The following MSR1 variants were observed in gnomAD, a reference collection of about 807,000 sequenced individuals.
MSR1 encodes the protein macrophage scavenger receptor types I and II.
A neutral mutation model predicts 47.2 loss-of-function variants in MSR1; 53 were observed. The observed-to-expected ratio is 1.12, with a 90% CI of 0.90 to 1.41. The LOEUF (loss-of-function observed/expected upper bound fraction) is 1.41, where lower values mean the gene tolerates loss of function less well. Ranked by LOEUF, MSR1 falls within the 40% of genes most tolerant of loss-of-function variation. MSR1 has a pLI of 0.00. For synonymous variants in MSR1, 239 were observed against 185.6 expected (o/e 1.29, Z -2.34); for missense variants, 786 against 546.9 (o/e 1.44, Z -4.36).
rs889346016 is a variant in MSR1 at position 16,156,405 on chromosome 8, T to G, written c.818-1261A>C. Among the ~76,000 whole-genome samples, 26 of 151,998 alleles carry G rather than the reference T, an allele frequency of 1.7e-4. 2 individuals carry two copies. The highest frequency in any genetic ancestry group is 1.4e-3 in the Admixed American group (21 of 15,232). On this transcript the variant is annotated intron_variant, in intron 5 of 9. Coordinates refer to ENST00000262101, the MANE Select transcript of MSR1 (RefSeq NM_138715.3). ...CATGAATAAGTATATTTTGTACATTTTGTTGTTGCTTATTTTGACATCCTT... is the reference window on the plus strand; with the variant it reads ...CATGAATAAGTATATTTTGTACATTGTGTTGTTGCTTATTTTGACATCCTT...
At chr8:16,140,746 C>T (rs1484913472) in intron 8 of MSR1, 7 of 1,423,864 alleles carry the variant, frequency 4.9e-6, no homozygotes, top group Admixed American at 3.0e-5. Flanking sequence ...GGTGTCCAGG[C>T]TGGGGGTGAT....
intron 5 of MSR1, among the ~76,000 whole-genome samples, chr8:16,158,201 C>G (rs1368878174): frequency 6.6e-6 from 1 of 151,942 alleles, no homozygotes; most frequent in East Asian, 1.9e-4. Flanking sequence ...TTTAATATTT[C>G]CAATTACAGT....
At position 16,107,900 on chromosome 8, in the gene MSR1, A is replaced by G. The variant is rs1444368254; in HGVS notation, c.*2185T>C. On this transcript the variant is annotated 3_prime_UTR_variant, in exon 10 of 10. Transcript: ENST00000262101. The stretch of plus-strand genomic sequence containing the variant: ...AAATCGCAAATTTCTGTTTTTTTTA[A>G]TGGAACAAATGCAATTCAACATTCC... The G allele has an allele frequency of 6.6e-6, 1 of 151,932 alleles. No homozygotes were observed. The highest frequency in any genetic ancestry group is 6.6e-5 in the Admixed American group (1 of 15,234). 9.4% of individuals were successfully genotyped at this position (151,932 alleles called of 1,614,324 possible).
chr8:16,163,521 GC>G (rs1231691431), intron 5 of MSR1, among the ~76,000 whole-genome samples: 8 of 150,960 alleles, frequency 5.3e-5, no homozygotes, highest in Non-Finnish European at 1.5e-5. Context: ...AAAATGTAAA[GC>G]TAAAACTGAA....
At position 16,168,601 on chromosome 8, in the gene MSR1, A is replaced by G; in HGVS notation, c.487T>C (p.Phe163Leu). The G allele has an allele frequency of 6.2e-7, 1 of 1,614,196 alleles. No individual in the cohort carries two copies. The highest frequency in any genetic ancestry group is 8.5e-7 in the Non-Finnish European group (1 of 1,180,036). ...TTCCCATGTCCCTGGACTGAGGAAA[A>G]CAAGGTACTTAGCTGCAGAAGAATG... is the stretch of plus-strand genomic sequence containing the variant. The part of the protein sequence containing the change: ...NDILLQLSTL[F>L]SSVQGHGNAI... The change falls in exon 4 of 10, where the codon TTT becomes CTT. Residue 163 changes from phenylalanine to leucine, a missense_variant. By Grantham distance (22) the Phe-to-Leu change is conservative. Coordinates refer to ENST00000262101, the MANE Select transcript of MSR1 (RefSeq NM_138715.3).
At position 16,168,461 on chromosome 8, in the gene MSR1, T is replaced by C; in HGVS notation, c.627A>G (p.Gln209=). 6.2e-7 allele frequency: 1 copy of C among 1,614,116 alleles called. No homozygotes were observed. The highest frequency in any genetic ancestry group is 8.5e-7 in the Non-Finnish European group (1 of 1,179,996). ...GKIQENTFKQ[Q]EEISKLEERV... ...CTTGCAGTCCACAAACTCTTACCTC[T>C]TGTTGTTTGAAGGTATTCTCTTGGA... The change falls in exon 4 of 10, where the codon CAA becomes CAG. Residue 209 remains glutamine, a synonymous_variant. Coordinates refer to ENST00000262101, the MANE Select transcript of MSR1 (RefSeq NM_138715.3).
chr8:16,153,096 T>A (rs974533290), intron 6 of MSR1, among the ~76,000 whole-genome samples: 1 of 152,014 alleles, frequency 6.6e-6, no homozygotes, highest in African/African-American at 2.4e-5. Flanking sequence ...CCACTTAGGT[T>A]TTGCAGATAT....
chr8:16,125,924 A>T (rs142861526), intron 8 of MSR1, among the ~76,000 whole-genome samples: 362 of 152,196 alleles, frequency 2.4e-3, no homozygotes, highest in African/African-American at 8.4e-3. Context: ...GAGCCACTGC[A>T]CCCAGCCAAA....
chr8:16,142,012 G>A (rs1470441645), intron 8 of MSR1, among the ~76,000 whole-genome samples: 1 of 152,034 alleles, frequency 6.6e-6, no homozygotes, highest in African/African-American at 2.4e-5. Flanking sequence ...AAAGGAGAAA[G>A]AAAGAAGTAA....
rs1563163392 is a variant in MSR1 at position 16,168,871 on chromosome 8, C to CTG, written c.218-3_218-2dup. The stretch of plus-strand genomic sequence containing the variant: ...TTCGTTTCCCACTTCAGGAGTTGAG[C>CTG]TGTATATTTAAGTAAAAATAAACCA... On this transcript the variant is annotated splice_acceptor_variant, in intron 3 of 9. Transcript: ENST00000262101. LOFTEE classifies it high-confidence loss of function. 1.2e-6 allele frequency: 2 copies of CTG among 1,611,640 alleles called. No homozygotes were observed. Among genetic ancestry groups the CTG allele is most frequent in the African/African-American group, 1.3e-5 (1 of 74,908 alleles).
chr8:16,187,856 G>C (rs1802048360), intron 1 of MSR1, among the ~76,000 whole-genome samples: 1 of 152,126 alleles, frequency 6.6e-6, no homozygotes, highest in Non-Finnish European at 1.5e-5. Context: ...AACCCACTTT[G>C]CTTCAAAAGC....
At chr8:16,143,769 ATTAC>A (rs1046595295) in intron 7 of MSR1, among the ~76,000 whole-genome samples, 158 bp from the exon 8 acceptor site, 4 of 152,144 alleles carry the variant, frequency 2.6e-5, no homozygotes, top group Admixed American at 6.6e-5. Context: ...AATAATAGTT[ATTAC>A]TTAGGAAGCT....
At position 16,164,078 on chromosome 8, in the gene MSR1, G is replaced by C. The variant is rs1455537198; in HGVS notation, c.804C>G (p.Ile268Met). The C allele has an allele frequency of 1.9e-6, 3 of 1,607,616 alleles. No homozygotes were observed. The highest frequency in any genetic ancestry group is 2.6e-6 in the Non-Finnish European group (3 of 1,175,758). ...AAGACATTTTACCTTGAATTAAAGT[G>C]ATATTTCTCAAGGTCTGAGAATGTT... ...DWEHSQTLRNITLIQGPPGPP... is the reference protein window; with the variant it reads ...DWEHSQTLRNMTLIQGPPGPP... The change falls in exon 5 of 10, where the codon ATC becomes ATG. Residue 268 changes from isoleucine (I) to methionine (M), a missense_variant. Physicochemically the swap from Ile to Met is conservative, Grantham distance 10. Transcript: ENST00000262101.
intron 8 of MSR1, among the ~76,000 whole-genome samples, chr8:16,141,734 C>T (rs1240850724): frequency 6.6e-6 from 1 of 151,956 alleles, no homozygotes; most frequent in Non-Finnish European, 1.5e-5. Context: ...TAACTGAAAA[C>T]ATTTCTGAAC....
chr8:16,178,922 A>G (rs756990006), intron 1 of MSR1, among the ~76,000 whole-genome samples: 3 of 152,220 alleles, frequency 2.0e-5, no homozygotes, highest in Non-Finnish European at 2.9e-5. Context: ...GTAATAAATA[A>G]CATTTAATTT....
chr8:16,165,895 C>T (rs1202471080), intron 4 of MSR1, among the ~76,000 whole-genome samples: 1 of 152,116 alleles, frequency 6.6e-6, no homozygotes, highest in Non-Finnish European at 1.5e-5. Context: ...CTATCTTGCA[C>T]CTCCTCCTCC....
At chr8:16,180,136 CCT>C (rs2117217118) in intron 1 of MSR1, among the ~76,000 whole-genome samples, 1 of 151,688 alleles carries the variant, frequency 6.6e-6, no homozygotes, top group South Asian at 2.1e-4. Flanking sequence ...CTCCCTCTCT[CCT>C]CTCTCTCCCT....
intron 1 of MSR1, among the ~76,000 whole-genome samples, chr8:16,183,628 A>G (rs1306056829): frequency 2.2e-5 from 3 of 133,462 alleles, no homozygotes; most frequent in African/African-American, 5.7e-5. Context: ...TAATATATAT[A>G]ATATATAATA....
At chr8:16,172,955 T>C (rs1211136927) in intron 3 of MSR1, among the ~76,000 whole-genome samples, 1 of 152,144 alleles carries the variant, frequency 6.6e-6, no homozygotes, top group Non-Finnish European at 1.5e-5. Flanking sequence ...AGATATATAT[T>C]GCTTTTTAGT....
Sources: allele counts gnomAD v4.1 joint callset (sites outside exome capture counted in the v4.1 genomes callset), GRCh38; gene constraint gnomAD v4.1.1; transcripts MANE v1.5; gene names NCBI Gene and HGNC (gene_info 2026-07-23, HGNC 2026-07-21).